The following ST3GAL3 variants were observed in gnomAD, a reference collection of about 807,000 sequenced individuals.
ST3GAL3 encodes the protein ST3 beta-galactoside alpha-2,3-sialyltransferase 3.
ST3GAL3 carries 21 observed loss-of-function variants against 50.1 expected under a neutral mutation model. The observed-to-expected ratio is 0.42, with a 90% CI of 0.30 to 0.60. The LOEUF is 0.60. Among genes scored for constraint, ST3GAL3 ranks in the 20% least tolerant of loss-of-function variants. The probability of loss-of-function intolerance (pLI) is 0.19; values close to 1 mark genes in which losing one functional copy is unlikely to be tolerated. For synonymous variants in ST3GAL3, 183 were observed against 190.0 expected (o/e 0.96, Z 0.30); for missense variants, 353 against 489.4 (o/e 0.72, Z 2.63).
intron 2 of ST3GAL3, chr1:43,739,343 C>T (rs1358278620): frequency 6.6e-6 from 1 of 152,066 alleles, no homozygotes; most frequent in Non-Finnish European, 1.5e-5. Flanking sequence ...TCCCAAGTAG[C>T]TGGGACTACA....
chr1:43,748,010 G>A (rs1225712986), intron 2 of ST3GAL3, among the ~76,000 whole-genome samples: 2 of 151,948 alleles, frequency 1.3e-5, no homozygotes, highest in Non-Finnish European at 2.9e-5. Flanking sequence ...CCCTCATCCC[G>A]AGGGACTGTC....
chr1:43,864,068 C>A (rs771141984), intron 5 of ST3GAL3, among the ~76,000 whole-genome samples: 5 of 151,942 alleles, frequency 3.3e-5, no homozygotes, highest in Non-Finnish European at 5.9e-5. Context: ...CACCTGAGGT[C>A]AGGAGTTCAA....
chr1:43,783,360 G>A (rs1699965354), intron 2 of ST3GAL3, among the ~76,000 whole-genome samples: 1 of 152,128 alleles, frequency 6.6e-6, no homozygotes, highest in Admixed American at 6.5e-5. Flanking sequence ...GCTCCTTTCA[G>A]TAGCAGCCTC....
intron 1 of ST3GAL3, among the ~76,000 whole-genome samples, chr1:43,731,883 GC>G (rs1044815381): frequency 4.0e-5 from 6 of 151,620 alleles, no homozygotes; most frequent in African/African-American, 1.5e-4. Flanking sequence ...CTACTGTGTT[GC>G]CCAGGTTGGT....
At chr1:43,786,016 A>T (rs2057285318) in intron 2 of ST3GAL3, among the ~76,000 whole-genome samples, 1 of 149,958 alleles carries the variant, frequency 6.7e-6, no homozygotes, top group East Asian at 1.9e-4. Flanking sequence ...CCTTTTAAGC[A>T]TTTTTTTTTG....
At chr1:43,905,880 T>TC (rs2079428829) in intron 9 of ST3GAL3, among the ~76,000 whole-genome samples, 1 of 122,102 alleles carries the variant, frequency 8.2e-6, no homozygotes, top group Non-Finnish European at 1.7e-5. Flanking sequence ...TCCTGTTTCC[T>TC]TTCCCGCCAC....
In ST3GAL3 at chr1:43,930,630, G is replaced by T. The variant is rs2084894353; in HGVS notation, c.*409G>T. The T allele has an allele frequency of 3.0e-6, 1 of 335,812 alleles. No homozygotes were observed. The highest frequency in any genetic ancestry group is 2.5e-5 in the South Asian group (1 of 39,840). 20.8% of individuals were successfully genotyped at this position (335,812 alleles called of 1,614,324 possible). A position where few individuals can be genotyped will look rare whatever the true frequency, so the allele number is the denominator to read the frequency against. On this transcript the variant is annotated 3_prime_UTR_variant, in exon 12 of 12. Coordinates refer to ENST00000347631, the MANE Select transcript of ST3GAL3 (RefSeq NM_006279.5). ...ATGTCAAGTTGGGTTCACTTGCCAT[G>T]CAGGAAGAGGCCCACTAGAGGGCCC... is the stretch of plus-strand genomic sequence containing the variant.
chr1:43,927,203 T>C (rs1185355358), intron 11 of ST3GAL3, among the ~76,000 whole-genome samples: 1 of 152,112 alleles, frequency 6.6e-6, no homozygotes. Context: ...TGCGTGCCTG[T>C]AATCCCAGCT....
intron 2 of ST3GAL3, among the ~76,000 whole-genome samples, chr1:43,754,548 A>G (rs896490795): frequency 1.3e-5 from 2 of 152,218 alleles, no homozygotes; most frequent in East Asian, 3.8e-4. Context: ...CGAAGGAGAA[A>G]GGGCATACAG....
intron 2 of ST3GAL3, among the ~76,000 whole-genome samples, chr1:43,775,076 G>A (rs1209250179): frequency 1.2e-4 from 18 of 152,172 alleles, no homozygotes; most frequent in African/African-American, 3.9e-4. Context: ...ATTCTGGCGC[G>A]TTCTCTTTCC....
At chr1:43,719,638 C>G (rs555034234) in intron 1 of ST3GAL3, among the ~76,000 whole-genome samples, 1 of 151,132 alleles carries the variant, frequency 6.6e-6, no homozygotes, top group South Asian at 2.1e-4. Flanking sequence ...GCACTCCAGC[C>G]TGGGCAACAA....
At chr1:43,709,205 G>T (rs952803998) in intron 1 of ST3GAL3, among the ~76,000 whole-genome samples, 1 of 152,176 alleles carries the variant, frequency 6.6e-6, no homozygotes, top group Non-Finnish European at 1.5e-5. Flanking sequence ...GTGGTTCCAG[G>T]GGGTTTCTTA....
chr1:43,883,411 G>A (rs1225718472), intron 5 of ST3GAL3, among the ~76,000 whole-genome samples: 1 of 152,322 alleles, frequency 6.6e-6, no homozygotes, highest in South Asian at 2.1e-4. Context: ...GAAGACAGGG[G>A]AAGAGATGTG....
chr1:43,833,136 A>G (rs943553203), intron 4 of ST3GAL3, among the ~76,000 whole-genome samples: 2 of 152,164 alleles, frequency 1.3e-5, no homozygotes, highest in South Asian at 4.1e-4. Flanking sequence ...ATGGTTACAC[A>G]ATGTCCATCA....
chr1:43,857,547 C>G (rs2068717876), intron 5 of ST3GAL3, among the ~76,000 whole-genome samples: 1 of 131,612 alleles, frequency 7.6e-6, no homozygotes. Context: ...CCCTCCCTCC[C>G]TTCCTTCCTT....
At chr1:43,903,464 A>T (rs1366835995) in intron 9 of ST3GAL3, among the ~76,000 whole-genome samples, 2 of 150,906 alleles carry the variant, frequency 1.3e-5, no homozygotes, top group Non-Finnish European at 3.0e-5. Context: ...CCTCCTCCCC[A>T]CTCCTAAAAC....
At chr1:43,717,681 AT>A (rs1668070723) in intron 1 of ST3GAL3, among the ~76,000 whole-genome samples, 1 of 150,272 alleles carries the variant, frequency 6.7e-6, no homozygotes, top group South Asian at 2.1e-4. Flanking sequence ...TTTCTTTTGT[AT>A]TTTTTTGTAG....
chr1:43,723,457 A>G (rs765475600), intron 1 of ST3GAL3, among the ~76,000 whole-genome samples: 1 of 152,052 alleles, frequency 6.6e-6, no homozygotes, highest in Non-Finnish European at 1.5e-5. Flanking sequence ...CGCTTCTGCC[A>G]TGAGTGGAAG....
chr1:43,894,206 A>G, intron 5 of ST3GAL3, 177 bp from the exon 6 acceptor site: 1 of 684,048 alleles, frequency 1.5e-6, no homozygotes, highest in South Asian at 1.6e-5. Flanking sequence ...GCTCCACTGA[A>G]CAAGATCTGT....
Sources: gnomAD v4.1 joint callset for allele counts (sites outside exome capture counted in the v4.1 genomes callset) on GRCh38, gnomAD v4.1.1 for gene constraint, MANE v1.5 for transcripts, NCBI Gene and HGNC (gene_info 2026-07-23, HGNC 2026-07-21) for gene names.